The following POM121 variants were observed in gnomAD, a reference collection of about 807,000 sequenced individuals.
The protein encoded by POM121 is nuclear envelope pore membrane protein POM 121.
A neutral mutation model predicts 81.3 loss-of-function variants in POM121; 32 were observed. The ratio of observed to expected loss-of-function variants is 0.39; its 90% CI spans 0.30 to 0.53. The LOEUF (loss-of-function observed/expected upper bound fraction) is 0.53. Among genes scored for constraint, POM121 ranks in the 20% least tolerant of loss-of-function variants. The probability of loss-of-function intolerance (pLI) is 0.66; values close to 1 mark genes in which losing one functional copy is unlikely to be tolerated. For missense variants in POM121, 1,138 were observed against 1,614.6 expected, an observed-to-expected ratio of 0.70 and a Z score of 5.06; for synonymous variants, 514 against 694.2, an observed-to-expected ratio of 0.74 and a Z score of 4.08.
chr7:72,888,625 C>T (rs2129574703), intron 1 of POM121, among the ~76,000 whole-genome samples: 1 of 151,964 alleles, frequency 6.6e-6, no homozygotes, highest in East Asian at 1.9e-4. Context: ...TGTAGTTTTT[C>T]CCTGTTAAGT....
intron 3 of POM121, among the ~76,000 whole-genome samples, chr7:72,902,853 G>C (rs1792836633): frequency 6.6e-6 from 1 of 152,104 alleles, no homozygotes; most frequent in Non-Finnish European, 1.5e-5. Flanking sequence ...TTCTATTTCT[G>C]TATCGATGTT....
At chr7:72,907,456 T>A (rs1793359860) in intron 3 of POM121, among the ~76,000 whole-genome samples, 1 of 152,174 alleles carries the variant, frequency 6.6e-6, no homozygotes, top group African/African-American at 2.4e-5. Flanking sequence ...ATTTCTTTTT[T>A]AAAATTTAAT....
chr7:72,893,601 C>G (rs1791532054), intron 3 of POM121, among the ~76,000 whole-genome samples: 1 of 152,122 alleles, frequency 6.6e-6, no homozygotes. Flanking sequence ...AAAAACGTAA[C>G]ATACGATTTA....
intron 3 of POM121, among the ~76,000 whole-genome samples, chr7:72,900,367 C>CTT (rs56065902): frequency 8.4e-5 from 12 of 143,226 alleles, no homozygotes; most frequent in Non-Finnish European, 1.5e-4. Context: ...TCTCTTTTTG[C>CTT]TTTTTTTTTT....
At chr7:72,906,367 C>T (rs1424868121) in intron 3 of POM121, among the ~76,000 whole-genome samples, 1 of 152,246 alleles carries the variant, frequency 6.6e-6, no homozygotes, top group Non-Finnish European at 1.5e-5. Flanking sequence ...CTCGCCCTGG[C>T]ATCAGCCAGC....
chr7:72,938,368 T>G (rs1796724192), intron 5 of POM121, among the ~76,000 whole-genome samples: 1 of 152,058 alleles, frequency 6.6e-6, no homozygotes, highest in South Asian at 2.1e-4. Flanking sequence ...TTTCAGTTTT[T>G]TTGTAGAGAC....
At position 72,941,129 on chromosome 7, in the gene POM121, G is replaced by T. The variant is rs544688046; in HGVS notation, c.1843+136G>T. ...GCACCCTGGCTCAGCACACCGGAGC[G>T]GGCCCACGTTTAACAGCGCCAGAGC... On this transcript the variant is annotated intron_variant, in intron 10 of 12. Transcript: ENST00000434423. 1.3e-5 allele frequency: 8 copies of T among 605,780 alleles called. No individual in the cohort carries two copies. In the African/African-American group the frequency reaches 1.5e-4, roughly 11 times the overall value. 37.5% of individuals were successfully genotyped at this position (605,780 alleles called of 1,614,324 possible).
chr7:72,949,096 G>A (rs559234729), downstream of POM121: 38 of 1,608,868 alleles, frequency 2.4e-5, no homozygotes, highest in East Asian at 4.5e-5. Context: ...CTGTCTGCTC[G>A]GCATACCTAA....
At chr7:72,926,039 C>T (rs1409486133) in intron 1 of POM121, among the ~76,000 whole-genome samples, 1 of 152,278 alleles carries the variant, frequency 6.6e-6, no homozygotes, top group East Asian at 1.9e-4. Context: ...GATTTTCCCT[C>T]TCAAACTGTT....
downstream of POM121, chr7:72,950,272 G>A (rs1375088255): frequency 8.9e-5 from 117 of 1,311,726 alleles, no homozygotes; most frequent in Non-Finnish European, 1.1e-4. Context: ...GTCCATTCAT[G>A]CAACAAATGT....
downstream of POM121, chr7:72,949,004 C>T (rs144715157): frequency 7.4e-5 from 119 of 1,610,968 alleles, no homozygotes; most frequent in East Asian, 1.4e-3. Context: ...AAAGTGAGCG[C>T]GTGGCACAGG....
intron 4 of POM121, among the ~76,000 whole-genome samples, chr7:72,928,905 G>T (rs1554498079): frequency 1.3e-5 from 2 of 152,214 alleles, no homozygotes; most frequent in African/African-American, 4.8e-5. Context: ...TCAGCAGTGT[G>T]ATGTGGCCGC....
intron 4 of POM121, 144 bp from the exon 5 acceptor site, chr7:72,929,796 A>G (rs1195167341): frequency 2.3e-6 from 3 of 1,279,386 alleles, no homozygotes; most frequent in Non-Finnish European, 2.0e-6. Context: ...TTTGTCAGAT[A>G]GATTTGGCCA....
chr7:72,893,884 T>A (rs1295067020), intron 3 of POM121, among the ~76,000 whole-genome samples: 1 of 152,134 alleles, frequency 6.6e-6, no homozygotes, highest in Non-Finnish European at 1.5e-5. Flanking sequence ...CTGCCCTGGT[T>A]TCTGCTCAAC....
At chr7:72,923,376 C>T (rs1464679110), upstream of POM121, among the ~76,000 whole-genome samples, 5 of 152,128 alleles carry the variant, frequency 3.3e-5, no homozygotes, top group Non-Finnish European at 7.3e-5. Flanking sequence ...CCTGCCAGAC[C>T]TCTCAGCTCC....
At position 72,946,475 on chromosome 7, in the gene POM121, T is replaced by C. The variant is rs389924; in HGVS notation, c.*241T>C. On this transcript the variant is annotated 3_prime_UTR_variant, in exon 13 of 13. Transcript: ENST00000434423. ...CCCGGGACCTCTACTTGAACAGTTC[T>C]ACTGGGGAGGCTGGAGAACTAAGGA... 20,752 of 1,334,246 alleles carry C rather than the reference T, an allele frequency of 0.016. 319 individuals are homozygous for C. The highest frequency in any genetic ancestry group is 0.024 in the African/African-American group (1,578 of 66,306). The allele number at this position is 1,334,246 out of a possible 1,614,324, so 82.7% of individuals were successfully genotyped here. A position where few individuals can be genotyped will look rare whatever the true frequency, so the allele number is the denominator to read the frequency against.
rs1445943207 is a variant in POM121, at chr7:72,947,923, C to T, written c.*1689C>T. Reference sequence around the variant, plus strand: ...CACCCCTCAGAACAGCTCTGATCCTCGTTAATACCTGGCTGCGTGTGCAGC... The same window carrying T: ...CACCCCTCAGAACAGCTCTGATCCTTGTTAATACCTGGCTGCGTGTGCAGC... On this transcript the variant is annotated 3_prime_UTR_variant, in exon 13 of 13. Coordinates refer to ENST00000434423, the MANE Select transcript of POM121 (RefSeq NM_001387691.1). 17 of 1,032,732 alleles carry T rather than the reference C, an allele frequency of 1.6e-5. No individual in the cohort carries two copies. In the East Asian group the frequency reaches 7.2e-4, roughly 44 times the overall value. 64.0% of individuals were successfully genotyped at this position (1,032,732 alleles called of 1,614,324 possible).
intron 3 of POM121, among the ~76,000 whole-genome samples, chr7:72,901,408 G>A (rs1370387033): frequency 2.0e-5 from 3 of 150,988 alleles, no homozygotes; most frequent in Non-Finnish European, 4.4e-5. Context: ...AGGCTGGAGT[G>A]CAGTGGTGTG....
chr7:72,922,058 T>TG (rs1303584495), upstream of POM121, among the ~76,000 whole-genome samples: 1 of 152,222 alleles, frequency 6.6e-6, no homozygotes. Context: ...TACCAAGACT[T>TG]GATCTTGTTA....
Sources: gnomAD v4.1 joint callset for allele counts (sites outside exome capture counted in the v4.1 genomes callset) on GRCh38, gnomAD v4.1.1 for gene constraint, MANE v1.5 for transcripts, NCBI Gene and HGNC (gene_info 2026-07-23, HGNC 2026-07-21) for gene names.